The following ST7 variants were observed in gnomAD, a reference collection of about 807,000 sequenced individuals.
ST7 encodes suppressor of tumorigenicity 7 protein.
Under a neutral mutation model 78.7 loss-of-function variants are expected in ST7, and 28 were observed. The observed-to-expected ratio is 0.36, with a 90% CI of 0.26 to 0.49. The LOEUF (loss-of-function observed/expected upper bound fraction) is 0.49, where lower values mean the gene tolerates loss of function less well. ST7 is among the 20% of genes least tolerant of loss of function. The pLI is 0.99. For synonymous variants in ST7, 247 were observed against 249.6 expected (o/e 0.99, Z 0.10); for missense variants, 418 against 696.0 (o/e 0.60, Z 4.49).
At chr7:117,215,024 A>G (rs986987249) in intron 13 of ST7, among the ~76,000 whole-genome samples, 18 of 151,932 alleles carry the variant, frequency 1.2e-4, no homozygotes, top group Non-Finnish European at 1.5e-5. Flanking sequence ...TAATGCTTGT[A>G]TCCACACTAT....
chr7:117,081,892 TGAGAGA>T (rs142782899), intron 1 of ST7, among the ~76,000 whole-genome samples: 3 of 146,978 alleles, frequency 2.0e-5, no homozygotes, highest in Non-Finnish European at 3.0e-5. Flanking sequence ...AAATAGAGAT[TGAGAGA>T]GAGAGAGAGA....
chr7:117,028,061 C>T (rs895917620), intron 1 of ST7, among the ~76,000 whole-genome samples: 2 of 152,116 alleles, frequency 1.3e-5, no homozygotes, highest in Admixed American at 1.3e-4. Context: ...CTCTTGTCAT[C>T]CTTCAGAGCA....
chr7:117,080,674 A>G (rs1207272311), intron 1 of ST7, among the ~76,000 whole-genome samples: 2 of 152,220 alleles, frequency 1.3e-5, no homozygotes, highest in East Asian at 3.8e-4. Flanking sequence ...TGGATGAGAA[A>G]GAACCCATCA....
intron 1 of ST7, among the ~76,000 whole-genome samples, chr7:116,986,362 A>G (rs1794190970): frequency 1.3e-5 from 2 of 152,204 alleles, no homozygotes; most frequent in Non-Finnish European, 2.9e-5. Context: ...TTTGTAAGCA[A>G]CAGAAACTGA....
intron 1 of ST7, among the ~76,000 whole-genome samples, chr7:117,080,020 G>A (rs1443252389): frequency 8.8e-6 from 1 of 113,548 alleles, no homozygotes; most frequent in African/African-American, 3.4e-5. Context: ...TCGCTCTGTC[G>A]CCCAGGCTGG....
At chr7:117,202,529 T>A (rs1280229432) in intron 12 of ST7, among the ~76,000 whole-genome samples, 2 of 152,208 alleles carry the variant, frequency 1.3e-5, no homozygotes, top group Admixed American at 6.5e-5. Context: ...ATTTGTCACC[T>A]TCGGTTCTTT....
At chr7:117,167,646 G>C (rs1418863127) in intron 9 of ST7, among the ~76,000 whole-genome samples, 1 of 152,122 alleles carries the variant, frequency 6.6e-6, no homozygotes, top group Admixed American at 6.5e-5. Context: ...CAGTTCTAGA[G>C]ATCAGGGTGT....
chr7:117,044,114 C>T (rs1253517454), intron 1 of ST7, among the ~76,000 whole-genome samples: 1 of 152,236 alleles, frequency 6.6e-6, no homozygotes, highest in Non-Finnish European at 1.5e-5. Context: ...CTTACCTTTT[C>T]CCTTTCCTTC....
chr7:116,974,526 C>T (rs561676331), intron 1 of ST7, among the ~76,000 whole-genome samples: 115 of 152,148 alleles, frequency 7.6e-4, no homozygotes, highest in African/African-American at 2.7e-3. Context: ...CTCCTGACCT[C>T]GTGATCCACC....
chr7:117,001,365 A>C (rs1357650597), intron 1 of ST7, among the ~76,000 whole-genome samples: 5 of 152,220 alleles, frequency 3.3e-5, no homozygotes, highest in African/African-American at 9.6e-5. Context: ...ACCAATACTA[A>C]GTATAGTTGA....
At chr7:117,045,237 T>A (rs1225269412) in intron 1 of ST7, among the ~76,000 whole-genome samples, 2 of 152,096 alleles carry the variant, frequency 1.3e-5, no homozygotes, top group Non-Finnish European at 2.9e-5. Context: ...CAGTCAGACC[T>A]TGTCACTCTT....
intron 9 of ST7, among the ~76,000 whole-genome samples, chr7:117,157,485 C>T (rs1181743110): frequency 3.3e-5 from 5 of 151,660 alleles, no homozygotes; most frequent in Non-Finnish European, 7.4e-5. Context: ...GAGTACCAAC[C>T]TTCTGCCTAT....
intron 2 of ST7, among the ~76,000 whole-genome samples, chr7:117,112,044 G>A (rs1802470748): frequency 6.6e-6 from 1 of 151,842 alleles, no homozygotes; most frequent in Non-Finnish European, 1.5e-5. Context: ...TACAGGATAT[G>A]TATATTTGTG....
At chr7:117,030,903 A>G (rs369561368) in intron 1 of ST7, among the ~76,000 whole-genome samples, 1 of 152,216 alleles carries the variant, frequency 6.6e-6, no homozygotes, top group African/African-American at 2.4e-5. Context: ...TCACTGCAGT[A>G]CTATTCATAA....
chr7:117,012,480 G>A lies in ST7; in HGVS notation c.151+58789G>A, dbSNP rs118069556. On this transcript the variant is annotated intron_variant, in intron 1 of 15. Coordinates refer to ENST00000323984, the MANE Select transcript of ST7 (RefSeq NM_001369598.1). The stretch of plus-strand genomic sequence containing the variant: ...TAATACCTCCTAGGGTCGTTTTAAG[G>A]GTTAAATAGGTTAATACATGAATTA... Among the ~76,000 whole-genome samples the A allele has an allele frequency of 1.5e-3, 232 of 152,020 alleles. 6 individuals are homozygous for A. The East Asian group carries it at 0.036, about 23-fold the overall frequency.
intron 15 of ST7, among the ~76,000 whole-genome samples, chr7:117,226,839 A>T (rs1793478531): frequency 6.6e-6 from 1 of 152,138 alleles, no homozygotes; most frequent in Non-Finnish European, 1.5e-5. Context: ...TCTCCCAAGG[A>T]TGGAACATTC....
chr7:117,186,826 T>A (rs1021437933), intron 10 of ST7, among the ~76,000 whole-genome samples: 6 of 152,228 alleles, frequency 3.9e-5, no homozygotes, highest in Admixed American at 2.0e-4. Flanking sequence ...TTAGCCAGTC[T>A]ATGATTGGAC....
At chr7:117,145,213 A>G (rs927851608) in intron 9 of ST7, among the ~76,000 whole-genome samples, 2 of 150,796 alleles carry the variant, frequency 1.3e-5, no homozygotes, top group Non-Finnish European at 2.9e-5. Flanking sequence ...TCAAAAAAAA[A>G]GTAGAAAATG....
chr7:117,229,628 A>G lies in ST7; in HGVS notation c.1639-134A>G. On this transcript the variant is annotated intron_variant, in intron 15 of 15. Coordinates refer to ENST00000323984, the MANE Select transcript of ST7 (RefSeq NM_001369598.1). Reference sequence around the variant, plus strand: ...CCATCAGCTGATGTTTCCTGTAAACATAAAGATGAAATGGTTGCCTTTTGA... The same window carrying G: ...CCATCAGCTGATGTTTCCTGTAAACGTAAAGATGAAATGGTTGCCTTTTGA... 6 of 729,598 alleles carry G rather than the reference A, an allele frequency of 8.2e-6. No individual in the cohort carries two copies. The South Asian group carries it at 8.6e-5, about 10-fold the overall frequency. The allele number at this position is 729,598 out of a possible 1,614,324, so 45.2% of individuals were successfully genotyped here.
Sources: gnomAD v4.1 joint callset for allele counts (sites outside exome capture counted in the v4.1 genomes callset) on GRCh38, gnomAD v4.1.1 for gene constraint, MANE v1.5 for transcripts, NCBI Gene and HGNC (gene_info 2026-07-23, HGNC 2026-07-21) for gene names.